The following ZNF615 variants were observed in gnomAD, a reference collection of about 807,000 sequenced individuals.
ZNF615 encodes zinc finger protein 615.
In ZNF615, 15 loss-of-function variants were observed where a neutral mutation model predicts 15.3. The observed-to-expected ratio is 0.98, with a 90% CI of 0.66 to 1.51. The LOEUF (loss-of-function observed/expected upper bound fraction) is 1.51, where lower values mean the gene tolerates loss of function less well. ZNF615 is among the 40% of genes most tolerant of loss of function. The pLI is 0.00. For missense variants in ZNF615, 848 were observed against 895.9 expected, an observed-to-expected ratio of 0.95 and a Z score of 0.68; for synonymous variants, 268 against 294.6, an observed-to-expected ratio of 0.91 and a Z score of 0.92.
At chr19:51,995,091 C>A (rs1836001) in intron 6 of ZNF615, among the ~76,000 whole-genome samples, 13 of 151,678 alleles carry the variant, frequency 8.6e-5, no homozygotes, top group African/African-American at 3.1e-4. Context: ...AAAATTACAG[C>A]TAAAGGGGGT....
intron 2 of ZNF615, among the ~76,000 whole-genome samples, chr19:52,005,482 A>G (rs968470929): frequency 1.3e-5 from 2 of 152,194 alleles, no homozygotes; most frequent in Admixed American, 6.5e-5. Flanking sequence ...CAGCTACTCA[A>G]CTCTACTGTT....
In ZNF615 at chr19:51,994,814, G is replaced by C. The variant is rs964751746; in HGVS notation, c.295C>G (p.Leu99Val). Residue 99 changes from leucine (L) to valine (V), a missense_variant, in exon 7 of 7, where the codon CTG (leucine) becomes GTG (valine). By Grantham distance (32) the Leu-to-Val change is conservative. Transcript: ENST00000598071. ...YAEIRKIDDP[L>V]QHHLQNQSIQ... Reference sequence around the variant, plus strand: ...CTTTGATTTTGCAAGTGATGCTGCAGAGGATCATCAATTTTCCTGATTTCT... The same window carrying C: ...CTTTGATTTTGCAAGTGATGCTGCACAGGATCATCAATTTTCCTGATTTCT... 3.2e-6 allele frequency: 5 copies of C among 1,587,210 alleles called. No homozygotes were observed. Among genetic ancestry groups the C allele is most frequent in the Non-Finnish European group, 4.3e-6 (5 of 1,168,514 alleles).
Position 51,994,712 on chromosome 19 carries a change from G to A in ZNF615, c.397C>T (p.Leu133=). The change falls in exon 7 of 7, where the codon CTG becomes TTG. Residue 133 remains leucine (L), a synonymous_variant. Coordinates refer to ENST00000598071, the MANE Select transcript of ZNF615 (RefSeq NM_001199324.2). Reference sequence around the variant, plus strand: ...AACGTATCACAATCTTGCTTCAGCAGGAAATGACCTTTGTTCTGATTAACA... The same window carrying A: ...AACGTATCACAATCTTGCTTCAGCAAGAAATGACCTTTGTTCTGATTAACA... The part of the protein sequence containing the change: ...NIVNQNKGHF[L]LKQDCDTFDL... 6.2e-7 allele frequency: 1 copy of A among 1,613,746 alleles called. No individual in the cohort carries two copies. Among genetic ancestry groups the A allele is most frequent in the South Asian group, 1.1e-5 (1 of 91,074 alleles).
chr19:52,000,156 G>C (rs1363475290), intron 6 of ZNF615, 190 bp downstream of exon 6: 2 of 400,762 alleles, frequency 5.0e-6, no homozygotes, highest in Non-Finnish European at 8.8e-6. Context: ...CTCACTTGTA[G>C]GCAAGAGCTA....
At chr19:51,996,910 T>C (rs538540548) in intron 6 of ZNF615, among the ~76,000 whole-genome samples, 3 of 152,348 alleles carry the variant, frequency 2.0e-5, no homozygotes, top group Admixed American at 6.5e-5. Flanking sequence ...AAAAAGTAAG[T>C]ACGTGAGGTA....
intron 6 of ZNF615, among the ~76,000 whole-genome samples, chr19:51,995,269 G>T (rs1836002): frequency 0.39 from 59,846 of 151,970 alleles, 13,111 homozygotes; most frequent in African/African-American, 0.58. Context: ...TAAACACACC[G>T]AAAAGTAAAA....
chr19:52,002,276 G>T lies in ZNF615; in HGVS notation c.21C>A (p.Ser7=), dbSNP rs764606805. 1 of 1,614,124 alleles carries T rather than the reference G, an allele frequency of 6.2e-7. No homozygotes were observed. Among genetic ancestry groups the T allele is most frequent in the Non-Finnish European group, 8.5e-7 (1 of 1,180,014 alleles). ...CCACAGCCACATCCTCCAGTGTTAGGGATTCCTGTAATAACACACTTCTGT... is the reference window on the plus strand; with the variant it reads ...CCACAGCCACATCCTCCAGTGTTAGTGATTCCTGTAATAACACACTTCTGT... The part of the protein sequence containing the change: MMQAQE[S]LTLEDVAVDF... Residue 7 remains serine, a synonymous_variant, in exon 4 of 7, where the codon TCC becomes TCA. Transcript: ENST00000598071.
intron 6 of ZNF615, 74 bp from the exon 7 acceptor site, chr19:51,994,911 C>T (rs868163128): frequency 1.8e-5 from 25 of 1,403,300 alleles, no homozygotes; most frequent in Middle Eastern, 2.5e-4. Context: ...TTTTTTAAAA[C>T]TGCCTTGGTG....
At chr19:52,000,311 T>C in intron 6 of ZNF615, 35 bp downstream of exon 6, 1 of 600,900 alleles carries the variant, frequency 1.7e-6, no homozygotes, top group Admixed American at 2.3e-5. Context: ...TTCTAGTGAA[T>C]CCTCGGCATC....
In ZNF615 at chr19:51,994,720, C is replaced by T. The variant is rs2086367511; in HGVS notation, c.389G>A (p.Gly130Asp). The change falls in exon 7 of 7, where the codon GGT becomes GAT. Residue 130 changes from glycine to aspartate, a missense_variant. Gly to Asp is a moderately conservative substitution (Grantham distance 94). Transcript: ENST00000598071. ...MFGNIVNQNK[G>D]HFLLKQDCDT... ...ACAATCTTGCTTCAGCAGGAAATGA[C>T]CTTTGTTCTGATTAACAATATTTCC... 6.2e-7 allele frequency: 1 copy of T among 1,613,578 alleles called. No homozygotes were observed. Among genetic ancestry groups the T allele is most frequent in the African/African-American group, 1.3e-5 (1 of 74,912 alleles).
intron 2 of ZNF615, 48 bp downstream of exon 2, chr19:52,007,245 A>G (rs751701530): frequency 1.7e-6 from 2 of 1,172,368 alleles, no homozygotes; most frequent in South Asian, 2.6e-5. Context: ...CTAAAATTGA[A>G]ATATTCTGAA....
rs772884024 is a variant in ZNF615, at chr19:52,002,283, T to C, written c.16-2A>G. 5.0e-6 allele frequency: 8 copies of C among 1,614,144 alleles called. No homozygotes were observed. In the Admixed American group the frequency reaches 1.2e-4, roughly 24 times the overall value. On this transcript the variant is annotated splice_acceptor_variant, in intron 3 of 6. Transcript: ENST00000598071. LOFTEE classifies it high-confidence loss of function. Reference sequence around the variant, plus strand: ...CACATCCTCCAGTGTTAGGGATTCCTGTAATAACACACTTCTGTTTAATGA... The same window carrying C: ...CACATCCTCCAGTGTTAGGGATTCCCGTAATAACACACTTCTGTTTAATGA...
chr19:51,997,188 T>C (rs563962903), intron 6 of ZNF615, among the ~76,000 whole-genome samples: 2 of 152,088 alleles, frequency 1.3e-5, no homozygotes, highest in African/African-American at 4.8e-5. Flanking sequence ...TGTGGTGGCA[T>C]GTAGTCCCAG....
At position 51,994,651 on chromosome 19, in the gene ZNF615, C is replaced by T; in HGVS notation, c.458G>A (p.Ser153Asn). ...AGAGCTCCTTTTCTGGTTTTCAAAA[C>T]TTAAATTTGATTTTAAAGGTTTTTC... ...LHEKPLKSNL[S>N]FENQKRSSGL... Residue 153 changes from serine to asparagine, a missense_variant, in exon 7 of 7, where the codon AGT becomes AAT. Coordinates refer to ENST00000598071, the MANE Select transcript of ZNF615 (RefSeq NM_001199324.2). 3 of 1,612,990 alleles carry T rather than the reference C, an allele frequency of 1.9e-6. No homozygotes were observed. The highest frequency in any genetic ancestry group is 2.5e-6 in the Non-Finnish European group (3 of 1,179,912).
intron 6 of ZNF615, among the ~76,000 whole-genome samples, chr19:51,995,545 G>A (rs961323636): frequency 6.6e-6 from 1 of 151,212 alleles, no homozygotes; most frequent in African/African-American, 2.4e-5. Flanking sequence ...GCTCATGTTT[G>A]GGATATACAA....
chr19:52,007,028 C>T (rs2086771965), intron 2 of ZNF615, among the ~76,000 whole-genome samples: 1 of 152,034 alleles, frequency 6.6e-6, no homozygotes, highest in Non-Finnish European at 1.5e-5. Context: ...ATAAAATGTT[C>T]CTAAAAATAA....
chr19:51,994,678 T>C lies in ZNF615; in HGVS notation c.431A>G (p.His144Arg). 1 of 1,613,478 alleles carries C rather than the reference T, an allele frequency of 6.2e-7. No homozygotes were observed. Among genetic ancestry groups the C allele is most frequent in the Non-Finnish European group, 8.5e-7 (1 of 1,179,978 alleles). Residue 144 changes from histidine (H) to arginine (R), a missense_variant, in exon 7 of 7, where the codon CAT becomes CGT. By Grantham distance (29) the His-to-Arg change is conservative. Transcript: ENST00000598071. ...LKQDCDTFDL[H>R]EKPLKSNLSF... ...TAAATTTGATTTTAAAGGTTTTTCA[T>C]GTAAGTCAAACGTATCACAATCTTG...
rs2086302454 is a variant in ZNF615, at chr19:51,993,457, T to C, written c.1652A>G (p.Tyr551Cys). The C allele has an allele frequency of 6.2e-7, 1 of 1,614,146 alleles. No homozygotes were observed. Among genetic ancestry groups the C allele is most frequent in the Non-Finnish European group, 8.5e-7 (1 of 1,180,022 alleles). The change falls in exon 7 of 7, where the codon TAT becomes TGT. Residue 551 changes from tyrosine (Y) to cysteine (C), a missense_variant. By Grantham distance (194) the Tyr-to-Cys change is radical (BLOSUM62 -2). Transcript: ENST00000598071. ...HQRTHTGEKP[Y>C]ICNECGKGFT... is the part of the protein sequence containing the mutation. Reference sequence around the variant, plus strand: ...GCCTTTTCCACACTCATTGCAAATATAAGGTTTCTCTCCTGTATGAGTTCG... The same window carrying C: ...GCCTTTTCCACACTCATTGCAAATACAAGGTTTCTCTCCTGTATGAGTTCG...
Position 52,003,683 on chromosome 19 carries a change from A to C in ZNF615, c.15+14T>G, listed in dbSNP as rs1325790533. The C allele has an allele frequency of 1.2e-5, 19 of 1,611,602 alleles. No individual in the cohort carries two copies. The highest frequency in any genetic ancestry group is 1.5e-5 in the Non-Finnish European group (18 of 1,178,570). ...TGGAGAATAAAGGAAAGAATAAAAC[A>C]AACCAAAAGTCACCTGGGCCTGCAT... On this transcript the variant is annotated intron_variant, in intron 3 of 6. Coordinates refer to ENST00000598071, the MANE Select transcript of ZNF615 (RefSeq NM_001199324.2).
Sources: allele counts gnomAD v4.1 joint callset (sites outside exome capture counted in the v4.1 genomes callset), GRCh38; gene constraint gnomAD v4.1.1; transcripts MANE v1.5; gene names NCBI Gene and HGNC (gene_info 2026-07-23, HGNC 2026-07-21).